The following PTCHD4 variants were observed in gnomAD, a reference collection of about 807,000 sequenced individuals.
PTCHD4 encodes patched domain-containing protein 4.
In PTCHD4, 33 loss-of-function variants were observed where a neutral mutation model predicts 58.1. That is an observed-to-expected ratio of 0.57 (90% CI 0.43 to 0.76). The LOEUF is 0.76. Among genes scored for constraint, PTCHD4 ranks in the 30% least tolerant of loss-of-function variants. The probability of loss-of-function intolerance (pLI) is 0.00; values close to 1 mark genes in which losing one functional copy is unlikely to be tolerated. For synonymous variants in PTCHD4, 478 were observed against 409.6 expected (o/e 1.17, Z -2.02); for missense variants, 1,058 against 1,027.1 (o/e 1.03, Z -0.41).
intron 4 of PTCHD4, among the ~76,000 whole-genome samples, chr6:47,883,361 G>C (rs1764081017): frequency 1.3e-5 from 2 of 152,128 alleles, no homozygotes; most frequent in South Asian, 4.1e-4. Flanking sequence ...TAAAAATAAA[G>C]AAGCAAGAGC....
At chr6:47,880,319 G>A (rs891969893) in intron 4 of PTCHD4, among the ~76,000 whole-genome samples, 1 of 152,194 alleles carries the variant, frequency 6.6e-6, no homozygotes, top group African/African-American at 2.4e-5. Flanking sequence ...TTAACATCAT[G>A]TCAAGTGCTT....
At chr6:47,920,568 G>A (rs2113884385) in intron 4 of PTCHD4, among the ~76,000 whole-genome samples, 1 of 152,290 alleles carries the variant, frequency 6.6e-6, no homozygotes, top group Non-Finnish European at 1.5e-5. Flanking sequence ...AATATTGGAT[G>A]TGGATTCAAC....
intron 4 of PTCHD4, among the ~76,000 whole-genome samples, chr6:48,003,384 A>G (rs940253822): frequency 2.0e-4 from 31 of 152,026 alleles, no homozygotes; most frequent in African/African-American, 7.5e-4. Context: ...GCATTCTATC[A>G]CTTATTTGGT....
intron 4 of PTCHD4, among the ~76,000 whole-genome samples, chr6:47,888,904 G>T (rs1471523928): frequency 4.6e-5 from 5 of 109,312 alleles, no homozygotes; most frequent in African/African-American, 1.1e-4. Context: ...GAGAATATGC[G>T]GTGTTTGGTT....
intron 4 of PTCHD4, among the ~76,000 whole-genome samples, chr6:47,888,879 T>G (rs1764284701): frequency 8.2e-6 from 1 of 121,236 alleles, no homozygotes; most frequent in African/African-American, 3.1e-5. Context: ...CATTGTTCAA[T>G]TCCCACCTAT....
At chr6:48,023,325 G>T (rs2114115387) in intron 3 of PTCHD4, among the ~76,000 whole-genome samples, 1 of 152,254 alleles carries the variant, frequency 6.6e-6, no homozygotes, top group African/African-American at 2.4e-5. Context: ...AAGAAAATAT[G>T]ACCGGATAAC....
At chr6:48,088,959 C>A (rs1029793791) in intron 1 of PTCHD4, among the ~76,000 whole-genome samples, 2 of 152,056 alleles carry the variant, frequency 1.3e-5, no homozygotes, top group Non-Finnish European at 2.9e-5. Context: ...GCAAGAGAAT[C>A]GCTTGAACCC....
chr6:48,059,367 G>A (rs569409974), intron 3 of PTCHD4, among the ~76,000 whole-genome samples: 10 of 152,168 alleles, frequency 6.6e-5, no homozygotes, highest in African/African-American at 2.4e-4. Context: ...TGGGCAGGGC[G>A]GGGTGGTTCA....
At chr6:48,081,992 T>G (rs894087557) in intron 1 of PTCHD4, among the ~76,000 whole-genome samples, 12 of 152,218 alleles carry the variant, frequency 7.9e-5, no homozygotes, top group African/African-American at 1.4e-4. Context: ...AAAGGCCCTG[T>G]TCATTCTGAT....
intron 3 of PTCHD4, among the ~76,000 whole-genome samples, chr6:48,017,584 A>C (rs1290398934): frequency 6.6e-6 from 1 of 152,246 alleles, no homozygotes; most frequent in Non-Finnish European, 1.5e-5. Context: ...CACATGTGGT[A>C]GAATCAGTTC....
chr6:48,056,885 C>A (rs1477336638), intron 3 of PTCHD4, among the ~76,000 whole-genome samples: 1 of 152,198 alleles, frequency 6.6e-6, no homozygotes, highest in Non-Finnish European at 1.5e-5. Flanking sequence ...ATTCTGCAAG[C>A]TCTCATGGTG....
At chr6:48,030,603 G>C (rs949669341) in intron 3 of PTCHD4, among the ~76,000 whole-genome samples, 1 of 152,058 alleles carries the variant, frequency 6.6e-6, no homozygotes, top group Non-Finnish European at 1.5e-5. Context: ...CTGCTGTGTA[G>C]GCCACTCAGA....
chr6:47,863,163 A>G lies in PTCHD4; in HGVS notation c.*15140T>C. ...GTATCTGAGACTTATGTGGTCCCAC[A>G]TGCAGGGGCAGATCAAAATTTTGTT... On this transcript the variant is annotated 3_prime_UTR_variant, in exon 5 of 5. Coordinates refer to ENST00000339488, the MANE Select transcript of PTCHD4 (RefSeq NM_001384253.1). Among the ~76,000 whole-genome samples, 1 of 151,918 alleles carries G rather than the reference A, an allele frequency of 6.6e-6. No individual in the cohort carries two copies. Among genetic ancestry groups the G allele is most frequent in the Non-Finnish European group, 1.5e-5 (1 of 67,882 alleles).
intron 3 of PTCHD4, among the ~76,000 whole-genome samples, chr6:48,056,962 A>G (rs605376): frequency 0.13 from 20,426 of 152,236 alleles, 1,345 homozygotes; most frequent in Admixed American, 0.18. Flanking sequence ...AAAGAATGCA[A>G]TATTTATTAC....
intron 4 of PTCHD4, among the ~76,000 whole-genome samples, chr6:47,933,914 A>T (rs1765914332): frequency 6.6e-6 from 1 of 152,212 alleles, no homozygotes; most frequent in African/African-American, 2.4e-5. Context: ...AAGGTATCAA[A>T]TTATTATTAA....
In PTCHD4 at chr6:47,878,412, G is replaced by T; in HGVS notation, c.2423C>A (p.Pro808His). The T allele has an allele frequency of 6.2e-7, 1 of 1,613,346 alleles. No individual in the cohort carries two copies. The highest frequency in any genetic ancestry group is 8.5e-7 in the Non-Finnish European group (1 of 1,179,644). Residue 808 changes from proline to histidine, a missense_variant, in exon 5 of 5, where the codon CCC becomes CAC. Transcript: ENST00000339488. ...VILPVFLTFF[P>H]PSKKHHKKKK... ...TTTCTTGTGGTGCTTTTTGGAAGGGGGGAAAAACGTTAGGAACACAGGTAA... is the reference window on the plus strand; with the variant it reads ...TTTCTTGTGGTGCTTTTTGGAAGGGTGGAAAAACGTTAGGAACACAGGTAA...
At chr6:47,996,388 T>A (rs982904221) in intron 4 of PTCHD4, among the ~76,000 whole-genome samples, 11 of 152,022 alleles carry the variant, frequency 7.2e-5, no homozygotes, top group African/African-American at 2.7e-4. Context: ...GACAGGAGAA[T>A]CACTTGAACC....
chr6:48,100,233 G>GA (rs1765572409), intron 1 of PTCHD4, among the ~76,000 whole-genome samples: 1 of 152,244 alleles, frequency 6.6e-6, no homozygotes, highest in African/African-American at 2.4e-5. Context: ...GATATATGTA[G>GA]AAAAATAGGT....
intron 1 of PTCHD4, among the ~76,000 whole-genome samples, chr6:48,071,704 C>T (rs1764978752): frequency 6.6e-6 from 1 of 151,928 alleles, no homozygotes; most frequent in African/African-American, 2.4e-5. Flanking sequence ...TTTACTTTTC[C>T]TTACTTTTTA....
Sources: gnomAD v4.1 joint callset for allele counts (sites outside exome capture counted in the v4.1 genomes callset) on GRCh38, gnomAD v4.1.1 for gene constraint, MANE v1.5 for transcripts, NCBI Gene and HGNC (gene_info 2026-07-23, HGNC 2026-07-21) for gene names.